The following PTK2 variants were observed in gnomAD, a reference collection of about 807,000 sequenced individuals.
PTK2 encodes focal adhesion kinase 1.
PTK2 carries 45 observed loss-of-function variants against 150.1 expected under a neutral mutation model. That is an observed-to-expected ratio of 0.30 (90% confidence interval 0.24 to 0.38). The LOEUF (loss-of-function observed/expected upper bound fraction) is 0.38. Among genes scored for constraint, PTK2 ranks in the 10% least tolerant of loss-of-function variants. The pLI is 1.00. For missense variants in PTK2, 919 were observed against 1,307.3 expected (o/e 0.70, Z 4.58); for synonymous variants, 432 against 449.2 (o/e 0.96, Z 0.48).
chr8:140,936,786 C>T (rs949306557), intron 1 of PTK2, among the ~76,000 whole-genome samples: 3 of 152,002 alleles, frequency 2.0e-5, no homozygotes, highest in Admixed American at 6.6e-5. Context: ...TTAAGTCCCA[C>T]AATAGTTTTA....
chr8:140,686,408 TA>T (rs34011420), intron 27 of PTK2, among the ~76,000 whole-genome samples: 58,855 of 149,122 alleles, frequency 0.39, 12,691 homozygotes, highest in Non-Finnish European at 0.49. Flanking sequence ...AAATAAAAGT[TA>T]AAAAAAAAAG....
At chr8:140,701,254 AT>A (rs2100030243) in intron 25 of PTK2, among the ~76,000 whole-genome samples, 1 of 152,200 alleles carries the variant, frequency 6.6e-6, no homozygotes. Flanking sequence ...GTAAGGGTCT[AT>A]TTTAAAGAAA....
In PTK2 at chr8:140,678,275, C is replaced by T. The variant is rs531927817; in HGVS notation, c.2563-2776G>A. Among the ~76,000 whole-genome samples the T allele has an allele frequency of 1.2e-4, 19 of 152,192 alleles. No homozygotes were observed. The East Asian group carries it at 1.4e-3, about 11-fold the overall frequency. On this transcript the variant is annotated intron_variant, in intron 27 of 31. Coordinates refer to ENST00000522684, the Ensembl canonical transcript of PTK2. ...GTTGGCCAGGCTGGTCTCAAACTCC[C>T]GACCTCAAGTGATCCACCCACCTGG...
intron 26 of PTK2, among the ~76,000 whole-genome samples, chr8:140,687,803 T>C (rs2100020853): frequency 6.6e-6 from 1 of 152,166 alleles, no homozygotes; most frequent in Non-Finnish European, 1.5e-5. Flanking sequence ...ACGGCCACCA[T>C]TAAGGTAAGA....
intron 15 of PTK2, among the ~76,000 whole-genome samples, chr8:140,763,344 C>T (rs1316144093): frequency 2.6e-5 from 4 of 152,104 alleles, no homozygotes. Flanking sequence ...GCACCTATAA[C>T]ATTTATTTTA....
intron 26 of PTK2, among the ~76,000 whole-genome samples, chr8:140,693,896 C>A (rs1364364265): frequency 6.6e-6 from 1 of 152,148 alleles, no homozygotes; most frequent in Non-Finnish European, 1.5e-5. Context: ...ATTTTTCAAA[C>A]AAGAACAGAA....
chr8:140,797,499 T>G (rs181166660), intron 12 of PTK2, among the ~76,000 whole-genome samples: 1 of 152,326 alleles, frequency 6.6e-6, no homozygotes, highest in Admixed American at 6.5e-5. Context: ...TCTTCTGGAA[T>G]TTATGCCATG....
intron 10 of PTK2, among the ~76,000 whole-genome samples, chr8:140,813,055 C>T (rs2100102524): frequency 6.6e-6 from 1 of 152,156 alleles, no homozygotes; most frequent in Non-Finnish European, 1.5e-5. Flanking sequence ...ATAGAACTCT[C>T]CACCCCAAAG....
chr8:140,753,569 A>T (rs1215754780), intron 16 of PTK2, among the ~76,000 whole-genome samples: 1 of 152,244 alleles, frequency 6.6e-6, no homozygotes, highest in Non-Finnish European at 1.5e-5. Context: ...TGAAGAGGTC[A>T]GGGACAAGAG....
chr8:140,846,249 A>G lies in PTK2; in HGVS notation c.593+11T>C. 6.3e-7 allele frequency: 1 copy of G among 1,597,264 alleles called. No homozygotes were observed. Among genetic ancestry groups the G allele is most frequent in the Non-Finnish European group, 8.6e-7 (1 of 1,166,662 alleles). The stretch of plus-strand genomic sequence containing the variant: ...ATATTTGCAGGTATAGATTGTAAGT[A>G]CAATACTTACTCTAATACTTCATAG... On this transcript the variant is annotated intron_variant, in intron 7 of 31. Coordinates refer to ENST00000522684, the Ensembl canonical transcript of PTK2.
chr8:140,671,689 G>A (rs1419973677), intron 29 of PTK2, among the ~76,000 whole-genome samples: 8 of 150,538 alleles, frequency 5.3e-5, no homozygotes, highest in East Asian at 2.0e-4. Context: ...CGAGGCGGGC[G>A]GATCACAAGG....
intron 27 of PTK2, among the ~76,000 whole-genome samples, chr8:140,685,200 A>T (rs1399370689): frequency 1.3e-5 from 2 of 152,226 alleles, no homozygotes; most frequent in African/African-American, 2.4e-5. Flanking sequence ...TACGCCAAAG[A>T]ATAAAACTGG....
intron 26 of PTK2, among the ~76,000 whole-genome samples, chr8:140,689,254 G>A (rs1168145379): frequency 2.6e-5 from 4 of 152,098 alleles, no homozygotes; most frequent in African/African-American, 9.7e-5. Flanking sequence ...AGCTTTGTGG[G>A]GCCCAAACAT....
intron 10 of PTK2, among the ~76,000 whole-genome samples, chr8:140,809,725 G>A (rs546131979): frequency 6.6e-6 from 1 of 152,314 alleles, no homozygotes; most frequent in African/African-American, 2.4e-5. Context: ...AGAACTGCTT[G>A]AGCCCAGATG....
chr8:140,793,274 G>T, intron 13 of PTK2, 80 bp downstream of exon 13: 1 of 1,469,158 alleles, frequency 6.8e-7, no homozygotes, highest in Non-Finnish European at 9.2e-7. Flanking sequence ...ATTTTTTTAG[G>T]AAAATGAATA....
At chr8:140,750,946 C>A (rs561379919) in intron 17 of PTK2, among the ~76,000 whole-genome samples, 15 of 152,154 alleles carry the variant, frequency 9.9e-5, no homozygotes, top group African/African-American at 2.2e-4. Flanking sequence ...AACCAACCAA[C>A]CAAACAAAAA....
At chr8:140,668,574 A>G in intron 29 of PTK2, 150 bp from the exon 34 acceptor site, 1 of 843,778 alleles carries the variant, frequency 1.2e-6, no homozygotes, top group East Asian at 2.8e-5. Context: ...GTTCAGATTG[A>G]GAATGACAGT....
chr8:140,802,894 C>A (rs867405089), intron 11 of PTK2, among the ~76,000 whole-genome samples: 1 of 147,820 alleles, frequency 6.8e-6, no homozygotes, highest in African/African-American at 2.5e-5. Context: ...GATGTTTGCA[C>A]AACAAAGAAA....
At chr8:140,832,507 G>A (rs2100116070) in intron 7 of PTK2, among the ~76,000 whole-genome samples, 1 of 152,164 alleles carries the variant, frequency 6.6e-6, no homozygotes, top group Non-Finnish European at 1.5e-5. Context: ...TGAAGTTCCT[G>A]GAATGTGAAG....
Sources: allele counts gnomAD v4.1 joint callset (sites outside exome capture counted in the v4.1 genomes callset), GRCh38; gene constraint gnomAD v4.1.1; transcripts MANE v1.5; gene names NCBI Gene and HGNC (gene_info 2026-07-23, HGNC 2026-07-21).